Variants in RIMKLB observed in about 807,000 individuals in gnomAD.
The protein encoded by RIMKLB is ribosomal modification protein rimK like family member B.
In RIMKLB, 7 loss-of-function variants were observed where a neutral mutation model predicts 32.0. The observed-to-expected ratio is 0.22, with a 90% CI of 0.12 to 0.41. RIMKLB has a LOEUF of 0.41. Among genes scored for constraint, RIMKLB ranks in the 10% least tolerant of loss-of-function variants. The pLI, the probability that RIMKLB is intolerant of heterozygous loss-of-function variation, is 1.00. For synonymous variants in RIMKLB, 172 were observed against 185.1 expected, an observed-to-expected ratio of 0.93 and a Z score of 0.57; for missense variants, 289 against 498.7, an observed-to-expected ratio of 0.58 and a Z score of 4.00.
At chr12:8,722,961 G>A (rs1269829074) in intron 2 of RIMKLB, among the ~76,000 whole-genome samples, 1 of 152,216 alleles carries the variant, frequency 6.6e-6, no homozygotes, top group African/African-American at 2.4e-5. Context: ...TGGCTGGTTG[G>A]ATGTTTTATC....
upstream of RIMKLB, among the ~76,000 whole-genome samples, chr12:8,694,825 G>A (rs776803106): frequency 5.3e-5 from 8 of 152,166 alleles, no homozygotes; most frequent in Non-Finnish European, 5.9e-5. Context: ...CACTCATAGG[G>A]ATATGCAATA....
chr12:8,686,102 G>A lies in RIMKLB; in HGVS notation n.219+4284G>A, dbSNP rs192838691. On this transcript the variant is annotated intron_variant and non_coding_transcript_variant, in intron 1 of 1. Transcript: ENST00000538758. ...ATTACAGGCATGAGCCACCGCGCCC[G>A]GACTAATTTTTGTGTTTTTAGTAGA... Among the ~76,000 whole-genome samples, 233 of 152,074 alleles carry A rather than the reference G, an allele frequency of 1.5e-3. 2 individuals are homozygous for A. The highest frequency in any genetic ancestry group is 5.2e-3 in the African/African-American group (217 of 41,484).
At chr12:8,692,197 C>A (rs897712456), upstream of RIMKLB, among the ~76,000 whole-genome samples, 52 of 152,132 alleles carry the variant, frequency 3.4e-4, no homozygotes, top group African/African-American at 1.2e-3. Flanking sequence ...TTCATTGCCT[C>A]ATTTTCTCTT....
intron 2 of RIMKLB, among the ~76,000 whole-genome samples, chr12:8,719,360 T>TTTTTG (rs1020728640): frequency 2.0e-4 from 30 of 152,206 alleles, no homozygotes; most frequent in Non-Finnish European, 4.0e-4. Flanking sequence ...AAGCTGGGTT[T>TTTTTG]TTTTGTTTTG....
At chr12:8,744,610 C>T (rs1007133415) in intron 2 of RIMKLB, among the ~76,000 whole-genome samples, 2 of 151,500 alleles carry the variant, frequency 1.3e-5, no homozygotes, top group Non-Finnish European at 2.9e-5. Context: ...TCCTGATTTT[C>T]TTATTTTTTA....
the RIMKLB span, among the ~76,000 whole-genome samples, chr12:8,670,026 CAAAAAAAAAAAAAA>C: frequency 5.4e-5 from 2 of 36,944 alleles, no homozygotes; most frequent in African/African-American, 2.1e-4. Context: ...GACTCCGTCT[CAAAAAAAAAAAAAA>C]AAAAAAAAAA....
At chr12:8,705,921 T>G (rs1943835073) in intron 1 of RIMKLB, among the ~76,000 whole-genome samples, 1 of 152,130 alleles carries the variant, frequency 6.6e-6, no homozygotes, top group Non-Finnish European at 1.5e-5. Flanking sequence ...CTTCAACTGA[T>G]TGGATGAAGC....
At chr12:8,687,801 G>C (rs993656694) in intron 1 of RIMKLB, among the ~76,000 whole-genome samples, 1 of 142,308 alleles carries the variant, frequency 7.0e-6, no homozygotes, top group Non-Finnish European at 1.5e-5. Context: ...TTTTGCTAGA[G>C]CAAGTTCCAA....
At chr12:8,768,362 C>T (rs1211672679) in intron 5 of RIMKLB, among the ~76,000 whole-genome samples, 2 of 152,116 alleles carry the variant, frequency 1.3e-5, no homozygotes, top group African/African-American at 4.8e-5. Context: ...AGCAAAAGCT[C>T]AGCTCGAGCC....
intron 1 of RIMKLB, among the ~76,000 whole-genome samples, chr12:8,699,059 A>C (rs12297119): frequency 6.6e-6 from 1 of 151,654 alleles, no homozygotes; most frequent in Non-Finnish European, 1.5e-5. Context: ...GTTTTATCCC[A>C]TTTGTATTGG....
rs184246877 is a variant in RIMKLB at position 8,770,741 on chromosome 12, C to T, written c.698-2580C>T. Among the ~76,000 whole-genome samples, 29 of 152,180 alleles carry T rather than the reference C, an allele frequency of 1.9e-4. No individual in the cohort carries two copies. In the East Asian group the frequency reaches 5.4e-3, roughly 28 times the overall value. ...GGGGGATTTCTCTATTTGGAGATACCATCAGATCTGACAGGTTGAGGGCTC... is the reference window on the plus strand; with the variant it reads ...GGGGGATTTCTCTATTTGGAGATACTATCAGATCTGACAGGTTGAGGGCTC... On this transcript the variant is annotated intron_variant, in intron 5 of 5. Transcript: ENST00000535829.
intron 5 of RIMKLB, among the ~76,000 whole-genome samples, chr12:8,756,684 C>CTTTTTTTTTTTT (rs145312687): frequency 4.4e-5 from 4 of 90,978 alleles, no homozygotes; most frequent in East Asian, 3.2e-4. Context: ...TTACTTTCTA[C>CTTTTTTTTTTTT]TTTTTTTTTT....
At chr12:8,711,197 G>C (rs950167440) in intron 1 of RIMKLB, among the ~76,000 whole-genome samples, 5 of 151,754 alleles carry the variant, frequency 3.3e-5, no homozygotes, top group African/African-American at 1.2e-4. Flanking sequence ...TTGCGCCACT[G>C]CACTCCAGCC....
chr12:8,714,270 A>C (rs962569386), intron 2 of RIMKLB: 1 of 406,270 alleles, frequency 2.5e-6, no homozygotes, highest in Admixed American at 4.0e-5. Context: ...ACAGATAAAC[A>C]ATAAAACAAA....
chr12:8,714,366 A>C (rs1159598370), intron 2 of RIMKLB, among the ~76,000 whole-genome samples: 1 of 152,198 alleles, frequency 6.6e-6, no homozygotes, highest in Non-Finnish European at 1.5e-5. Flanking sequence ...CAACATTGTA[A>C]GACACAGTTT....
chr12:8,736,757 AT>A (rs1452799597), intron 2 of RIMKLB, among the ~76,000 whole-genome samples: 1 of 151,546 alleles, frequency 6.6e-6, no homozygotes, highest in Non-Finnish European at 1.5e-5. Context: ...AAGTGCTGAG[AT>A]TATAGATGTG....
upstream of RIMKLB, among the ~76,000 whole-genome samples, chr12:8,696,521 C>G (rs1348841517): frequency 1.3e-5 from 2 of 152,166 alleles, no homozygotes; most frequent in African/African-American, 4.8e-5. Flanking sequence ...ATATTATATA[C>G]TTATTAACTC....
rs200670332 is a variant in RIMKLB at position 8,782,506 on chromosome 12, CTTAA to C, written c.*298-401_*298-398del. On this transcript the variant is annotated intron_variant, in intron 7 of 7. Coordinates refer to the RIMKLB transcript ENST00000619374. ...ATTTTGGCTGTTTTGGTGTCAGCAT[CTTAA>C]TTAAGTAGAAAATATTATGGACCTA... is the stretch of plus-strand genomic sequence containing the variant. Among the ~76,000 whole-genome samples, 722 of 152,180 alleles carry C rather than the reference CTTAA, an allele frequency of 4.7e-3. 13 individuals carry two copies. Among genetic ancestry groups the C allele is most frequent in the Admixed American group, 0.027 (418 of 15,282 alleles).
At chr12:8,757,014 C>G (rs1329259935) in intron 5 of RIMKLB, among the ~76,000 whole-genome samples, 1 of 152,062 alleles carries the variant, frequency 6.6e-6, no homozygotes, top group Non-Finnish European at 1.5e-5. Flanking sequence ...TGACTTCTGC[C>G]TCCTTGAATT....
Sources: allele counts gnomAD v4.1 joint callset (sites outside exome capture counted in the v4.1 genomes callset), GRCh38; gene constraint gnomAD v4.1.1; transcripts MANE v1.5; gene names NCBI Gene and HGNC (gene_info 2026-07-23, HGNC 2026-07-21).